ALPP: variants seen among roughly 807,000 people sequenced by gnomAD.
ALPP encodes alkaline phosphatase, placental type.
In ALPP, 39 loss-of-function variants were observed where a neutral mutation model predicts 50.7. The observed-to-expected ratio is 0.77, with a 90% CI of 0.60 to 1.00. The LOEUF is 1.00. ALPP is among the 50% of genes least tolerant of loss of function. The pLI is 0.00. For synonymous variants in ALPP, 226 were observed against 320.3 expected, an observed-to-expected ratio of 0.71 and a Z score of 3.14; for missense variants, 550 against 746.8, an observed-to-expected ratio of 0.74 and a Z score of 3.07.
rs377162921 is a variant in ALPP at position 232,378,818 on chromosome 2, A to ATGC, written c.37_39dup (p.Leu13dup). The ATGC allele has an allele frequency of 6.3e-4, 1,018 of 1,609,864 alleles. No homozygotes were observed. The highest frequency in any genetic ancestry group is 1.1e-3 in the African/African-American group (81 of 74,818). On this transcript the variant is annotated inframe_insertion, in exon 1 of 11. Coordinates refer to ENST00000392027, the MANE Select transcript of ALPP (RefSeq NM_001632.5). ...CCCTCCAGACATGCTGGGGCCCTGC[A>ATGC]TGCTGCTGCTGCTGCTGCTGCTGGG...
intron 3 of ALPP, 89 bp from the exon 4 acceptor site, chr2:232,379,424 A>G (rs1189605871): frequency 1.4e-5 from 22 of 1,592,434 alleles, no homozygotes; most frequent in African/African-American, 9.4e-5. Flanking sequence ...GTAAGGAGTT[A>G]GAGGCAGTTG....
chr2:232,381,529 C>A lies in ALPP; in HGVS notation c.1342C>A (p.Pro448Thr), dbSNP rs765923696. Residue 448 changes from proline (P) to threonine (T), a missense_variant, in exon 11 of 11, where the codon CCC (proline) becomes ACC (threonine). Transcript: ENST00000392027. Reference sequence around the variant, plus strand: ...CGAGTATCGGCAGCAGTCAGCAGTGCCCCTGGACGAAGAGACCCACGCAGG... The same window carrying A: ...CGAGTATCGGCAGCAGTCAGCAGTGACCCTGGACGAAGAGACCCACGCAGG... ...SPEYRQQSAVPLDEETHAGED... is the reference protein window; with the variant it reads ...SPEYRQQSAVTLDEETHAGED... 2 of 1,613,224 alleles carry A rather than the reference C, an allele frequency of 1.2e-6. No individual in the cohort carries two copies. Among genetic ancestry groups the A allele is most frequent in the Non-Finnish European group, 8.5e-7 (1 of 1,179,848 alleles).
Position 232,380,405 on chromosome 2 carries a change from T to G in ALPP, c.793-15T>G. On this transcript the variant is annotated splice_polypyrimidine_tract_variant and intron_variant, in intron 6 of 10. Coordinates refer to ENST00000392027, the MANE Select transcript of ALPP (RefSeq NM_001632.5). ...AGGGCTGTGGGCTGAGGCCTGGCTC[T>G]CTCCCTCCCCACAGGGTGCCCGGTA... The G allele has an allele frequency of 1.2e-6, 2 of 1,613,626 alleles. No homozygotes were observed. The highest frequency in any genetic ancestry group is 8.5e-7 in the Non-Finnish European group (1 of 1,179,882).
chr2:232,379,142 C>T (rs1696654403), intron 2 of ALPP, 55 bp downstream of exon 2: 1 of 1,614,090 alleles, frequency 6.2e-7, no homozygotes, highest in Non-Finnish European at 8.5e-7. Flanking sequence ...GCGCCCGGAC[C>T]CTCAGTGGTT....
intron 5 of ALPP, 123 bp downstream of exon 5, chr2:232,380,059 G>T: frequency 6.4e-7 from 1 of 1,570,356 alleles, no homozygotes; most frequent in Non-Finnish European, 8.6e-7. Flanking sequence ...GGTTGTGGGC[G>T]TAGAAGGTGC....
chr2:232,379,476 T>C, intron 3 of ALPP, 37 bp from the exon 4 acceptor site: 1 of 1,612,692 alleles, frequency 6.2e-7, no homozygotes, highest in East Asian at 2.2e-5. Flanking sequence ...TCTCCGTGTC[T>C]GCCCCAGAGA....
At position 232,379,052 on chromosome 2, in the gene ALPP, C is replaced by T; in HGVS notation, c.158C>T (p.Thr53Ile). ...GAAKKLQPAQ[T>I]AAKNLIIFLG... ...GCCAAGAAGCTGCAGCCTGCACAGA[C>T]AGCCGCCAAGAACCTCATCATCTTC... Residue 53 changes from threonine (T) to isoleucine (I), a missense_variant, in exon 2 of 11, where the codon ACA (threonine) becomes ATA (isoleucine). By Grantham distance (89) the Thr-to-Ile change is moderately conservative (BLOSUM62 -1). This residue lies in a region of ALPP where 376 missense variants were observed against 388.5 expected (regional missense o/e 0.97). Transcript: ENST00000392027. The T allele has an allele frequency of 1.9e-6, 3 of 1,614,154 alleles. No individual in the cohort carries two copies. Among genetic ancestry groups the T allele is most frequent in the Non-Finnish European group, 2.5e-6 (3 of 1,180,040 alleles).
chr2:232,379,042 C>T lies in ALPP; in HGVS notation c.148C>T (p.Pro50Ser), dbSNP rs1382782262. 9 of 1,614,138 alleles carry T rather than the reference C, an allele frequency of 5.6e-6. No individual in the cohort carries two copies. The highest frequency in any genetic ancestry group is 2.2e-5 in the East Asian group (1 of 44,872). ...EALGAAKKLQ[P>S]AQTAAKNLII... Reference sequence around the variant, plus strand: ...CCTGGGTGCCGCCAAGAAGCTGCAGCCTGCACAGACAGCCGCCAAGAACCT... The same window carrying T: ...CCTGGGTGCCGCCAAGAAGCTGCAGTCTGCACAGACAGCCGCCAAGAACCT... The change falls in exon 2 of 11, where the codon CCT becomes TCT. Residue 50 changes from proline (P) to serine (S), a missense_variant. By Grantham distance (74) the Pro-to-Ser change is moderately conservative (BLOSUM62 -1). Transcript: ENST00000392027.
rs762716147 is a variant in ALPP at position 232,379,138 on chromosome 2, G to C, written c.193+51G>C. 7.4e-6 allele frequency: 12 copies of C among 1,614,092 alleles called. No homozygotes were observed. In the South Asian group the frequency reaches 1.3e-4, roughly 18 times the overall value. ...TGCAGCCCTCACAGCCCCGGCGCCC[G>C]GACCCTCAGTGGTTCCAGGAGAGCC... On this transcript the variant is annotated intron_variant, in intron 2 of 10. Coordinates refer to ENST00000392027, the MANE Select transcript of ALPP (RefSeq NM_001632.5).
At position 232,382,042 on chromosome 2, in the gene ALPP, G is replaced by C. The variant is rs1696728024; in HGVS notation, c.*247G>C. 2 of 662,648 alleles carry C rather than the reference G, an allele frequency of 3.0e-6. No individual in the cohort carries two copies. The highest frequency in any genetic ancestry group is 6.0e-5 in the Admixed American group (2 of 33,074). The allele number at this position is 662,648 out of a possible 1,614,324, so 41.0% of individuals were successfully genotyped here. A position where few individuals can be genotyped will look rare whatever the true frequency, so the allele number is the denominator to read the frequency against. On this transcript the variant is annotated 3_prime_UTR_variant, in exon 11 of 11. Transcript: ENST00000392027. ...TGCAGGTTGTGCCCTGTGGCTGCCT[G>C]CACCCCAGGAAAGGAGGGGGCTCAG...
intron 1 of ALPP, 38 bp downstream of exon 1, chr2:232,378,916 A>G: frequency 6.2e-7 from 1 of 1,613,684 alleles, no homozygotes; most frequent in Non-Finnish European, 8.5e-7. Flanking sequence ...CACAACACAC[A>G]CACAGGGCAC....
chr2:232,380,278 G>A lies in ALPP; in HGVS notation c.750G>A (p.Leu250=). Residue 250 remains leucine, a synonymous_variant, in exon 6 of 11, where the codon CTG becomes CTA. Transcript: ENST00000392027. ...PDDYSQGGTR[L]DGKNLVQEWL... is the part of the protein sequence containing the mutation. ...ACTACAGCCAAGGTGGGACCAGGCT[G>A]GACGGGAAGAATCTGGTGCAGGAAT... The A allele has an allele frequency of 6.2e-7, 1 of 1,614,116 alleles. No homozygotes were observed. The highest frequency in any genetic ancestry group is 8.5e-7 in the Non-Finnish European group (1 of 1,180,020).
rs767216728 is a variant in ALPP at position 232,380,339 on chromosome 2, T to C, written c.792+19T>C. ...GCGCCAGGTGATGGGGGCTGGCGGG[T>C]GCAGGGGGCACAGCAGGGGGAGGGC... On this transcript the variant is annotated intron_variant, in intron 6 of 10. Transcript: ENST00000392027. 4 of 1,600,834 alleles carry C rather than the reference T, an allele frequency of 2.5e-6. No homozygotes were observed. In the Admixed American group the frequency reaches 6.8e-5, roughly 27 times the overall value.
chr2:232,378,762 C>A lies in ALPP; in HGVS notation c.-41C>A. 1 of 1,604,862 alleles carries A rather than the reference C, an allele frequency of 6.2e-7. No homozygotes were observed. Among genetic ancestry groups the A allele is most frequent in the Non-Finnish European group, 8.5e-7 (1 of 1,175,048 alleles). ...CTGGAGTGCAGCTCATACTCCATGC[C>A]CAGAATTCCTGCCTCGCCACTGTCC... On this transcript the variant is annotated 5_prime_UTR_variant, in exon 1 of 11. Coordinates refer to ENST00000392027, the MANE Select transcript of ALPP (RefSeq NM_001632.5).
Position 232,381,727 on chromosome 2 carries a change from G to T in ALPP, c.1540G>T (p.Val514Leu). 1 of 1,600,782 alleles carries T rather than the reference G, an allele frequency of 6.2e-7. No homozygotes were observed. The highest frequency in any genetic ancestry group is 8.5e-7 in the Non-Finnish European group (1 of 1,175,332). The change falls in exon 11 of 11, where the codon GTG (valine) becomes TTG (leucine). Residue 514 changes from valine (V) to leucine (L), a missense_variant. Val to Leu is a conservative substitution (Grantham distance 32). This residue lies in a region of ALPP where 155 missense variants were observed against 167.6 expected (regional missense o/e 0.92). Coordinates refer to ENST00000392027, the MANE Select transcript of ALPP (RefSeq NM_001632.5). The stretch of plus-strand genomic sequence containing the variant: ...CGACGCCGCGCACCCGGGGCGGTCC[G>T]TGGTCCCCGCGTTGCTTCCTCTGCT... Reference protein sequence around the residue: ...TTDAAHPGRSVVPALLPLLAG... With the variant: ...TTDAAHPGRSLVPALLPLLAG...
Position 232,381,808 on chromosome 2 carries a change from T to G in ALPP, c.*13T>G, listed in dbSNP as rs1462498618. 1.3e-6 allele frequency: 2 copies of G among 1,555,140 alleles called. No individual in the cohort carries two copies. Among genetic ancestry groups the G allele is most frequent in the East Asian group, 4.7e-5 (2 of 42,938 alleles). ...CACTGCTCCCTGAGTGTCCCGTCCC[T>G]GGGGCTCCTGCTTCCCCATCCCGGA... On this transcript the variant is annotated 3_prime_UTR_variant, in exon 11 of 11. Coordinates refer to ENST00000392027, the MANE Select transcript of ALPP (RefSeq NM_001632.5).
At chr2:232,379,467 C>T (rs759595569) in intron 3 of ALPP, 46 bp from the exon 4 acceptor site, 1 of 1,608,768 alleles carries the variant, frequency 6.2e-7, no homozygotes, top group East Asian at 2.2e-5. Context: ...GGGTCTGGGT[C>T]TCCGTGTCTG....
rs1696673347 is a variant in ALPP, at chr2:232,379,888, G to T, written c.609G>T (p.Glu203Asp). The change falls in exon 5 of 11, where the codon GAG becomes GAT. Residue 203 changes from glutamate (E) to aspartate (D), a missense_variant. Around this residue, in one of 5 missense-constraint regions of ALPP, gnomAD observed 376 missense variants for 388.5 expected, o/e 0.97. Transcript: ENST00000392027. ...DADVPASARQ[E>D]GCQDIATQLI... is the part of the protein sequence containing the mutation. ...ACGTGCCTGCCTCCGCCCGCCAGGA[G>T]GGGTGCCAGGACATCGCTACGCAGC... The T allele has an allele frequency of 1.2e-6, 2 of 1,613,030 alleles. No individual in the cohort carries two copies. The highest frequency in any genetic ancestry group is 2.7e-5 in the African/African-American group (2 of 74,916).
chr2:232,382,023 T>C lies in ALPP; in HGVS notation c.*228T>C, dbSNP rs1185926582. On this transcript the variant is annotated 3_prime_UTR_variant, in exon 11 of 11. Coordinates refer to ENST00000392027, the MANE Select transcript of ALPP (RefSeq NM_001632.5). ...CTACCCCAACCCCAGGGACTGCAGG[T>C]TGTGCCCTGTGGCTGCCTGCACCCC... The C allele has an allele frequency of 8.0e-6, 6 of 748,664 alleles. No individual in the cohort carries two copies. The East Asian group carries it at 1.4e-4, about 17-fold the overall frequency. 46.4% of individuals were successfully genotyped at this position (748,664 alleles called of 1,614,324 possible).
Sources: allele counts gnomAD v4.1 joint callset, GRCh38; gene constraint gnomAD v4.1.1; regional missense constraint gnomAD v4.1.1; transcripts MANE v1.5; gene names NCBI Gene and HGNC (gene_info 2026-07-23, HGNC 2026-07-21).